The following TENM3 variants were observed in gnomAD, a reference collection of about 807,000 sequenced individuals.
The protein encoded by TENM3 is teneurin transmembrane protein 3.
A neutral mutation model predicts 255.1 loss-of-function variants in TENM3; 63 were observed. The ratio of observed to expected loss-of-function variants is 0.25; its 90% CI spans 0.20 to 0.30. The LOEUF (loss-of-function observed/expected upper bound fraction) is 0.30, where lower values mean the gene tolerates loss of function less well. TENM3 is among the 10% of genes least tolerant of loss of function. The probability of loss-of-function intolerance (pLI) is 1.00; values close to 1 mark genes in which losing one functional copy is unlikely to be tolerated. For synonymous variants in TENM3, 1,306 were observed against 1,322.3 expected (o/e 0.99, Z 0.27); for missense variants, 2,929 against 3,461.1 (o/e 0.85, Z 3.86).
the TENM3 span, among the ~76,000 whole-genome samples, chr4:182,100,749 A>C: frequency 9.0e-6 from 1 of 111,026 alleles, no homozygotes; most frequent in Non-Finnish European, 1.9e-5. Flanking sequence ...ATATATACAC[A>C]CATATATATA....
At chr4:181,977,840 G>A in the TENM3 span, among the ~76,000 whole-genome samples, 1 of 152,318 alleles carries the variant, frequency 6.6e-6, no homozygotes. Context: ...TTTAAAGTCT[G>A]TGCTGAAAGA....
At chr4:182,541,111 T>C (rs555259219) in intron 3 of TENM3, among the ~76,000 whole-genome samples, 1 of 152,324 alleles carries the variant, frequency 6.6e-6, no homozygotes, top group South Asian at 2.1e-4. Context: ...TTCAAACAGT[T>C]GGTAAATGGT....
At chr4:182,410,868 T>A (rs967840260) in intron 3 of TENM3, among the ~76,000 whole-genome samples, 1 of 152,272 alleles carries the variant, frequency 6.6e-6, no homozygotes, top group Non-Finnish European at 1.5e-5. Context: ...TTCACTCTAT[T>A]GGAACTAAAA....
intron 27 of TENM3, among the ~76,000 whole-genome samples, chr4:182,796,991 A>G (rs1188788918): frequency 1.3e-5 from 2 of 152,264 alleles, no homozygotes; most frequent in Non-Finnish European, 2.9e-5. Flanking sequence ...AAACATAGAA[A>G]TGCAGAAGCT....
At chr4:182,007,397 C>A in the TENM3 span, among the ~76,000 whole-genome samples, 1 of 152,242 alleles carries the variant, frequency 6.6e-6, no homozygotes, top group Admixed American at 6.5e-5. Flanking sequence ...TTTTATGAAT[C>A]TGGGTGCTCC....
chr4:182,642,511 G>T (rs183762149), intron 5 of TENM3, among the ~76,000 whole-genome samples: 31 of 152,240 alleles, frequency 2.0e-4, no homozygotes, highest in African/African-American at 7.5e-4. Flanking sequence ...CAAATATCCT[G>T]GCAGAAACAA....
At chr4:181,492,552 C>T in the TENM3 span, among the ~76,000 whole-genome samples, 1 of 152,196 alleles carries the variant, frequency 6.6e-6, no homozygotes, top group Non-Finnish European at 1.5e-5. Flanking sequence ...AACGGTGCTT[C>T]TTTTAAAATA....
chr4:181,813,094 A>G, the TENM3 span, among the ~76,000 whole-genome samples: 2 of 152,202 alleles, frequency 1.3e-5, no homozygotes, highest in Admixed American at 1.3e-4. Context: ...GATGCTGGCA[A>G]GTCCAAGATC....
chr4:181,610,098 T>C, the TENM3 span, among the ~76,000 whole-genome samples: 1 of 152,218 alleles, frequency 6.6e-6, no homozygotes, highest in African/African-American at 2.4e-5. Context: ...GAAGACTTTA[T>C]GTGAAGTGAA....
rs1280527334 is a variant in TENM3 at position 182,775,062 on chromosome 4, T to C, written c.5213T>C (p.Leu1738Ser). The change falls in exon 24 of 28, where the codon TTG (leucine) becomes TCG (serine). Residue 1738 changes from leucine to serine, a missense_variant. Leu to Ser is a moderately radical substitution (Grantham distance 145). Coordinates refer to ENST00000511685, the MANE Select transcript of TENM3 (RefSeq NM_001080477.4). The stretch of plus-strand genomic sequence containing the variant: ...ACGGTTGCCAAAAGAAACATGACTT[T>C]GCCTGGCGAGAACGGTCAAAACTTG... ...NPTVAKRNMTLPGENGQNLVE... is the reference protein window; with the variant it reads ...NPTVAKRNMTSPGENGQNLVE... The C allele has an allele frequency of 8.1e-6, 13 of 1,613,908 alleles. No individual in the cohort carries two copies. In the Admixed American group the frequency reaches 2.0e-4, roughly 25 times the overall value.
the TENM3 span, among the ~76,000 whole-genome samples, chr4:181,720,136 A>G: frequency 2.0e-5 from 3 of 152,232 alleles, no homozygotes; most frequent in African/African-American, 7.2e-5. Flanking sequence ...AGCAACAAAT[A>G]CTTCAAAATC....
At chr4:181,962,609 CA>C in the TENM3 span, among the ~76,000 whole-genome samples, 1 of 152,240 alleles carries the variant, frequency 6.6e-6, no homozygotes, top group Admixed American at 6.5e-5. Context: ...TATTATCTTA[CA>C]TGTGATAAAA....
chr4:182,468,824 T>TTGTGTGTGTGTGTGTGTG (rs66517986), intron 3 of TENM3, among the ~76,000 whole-genome samples: 2 of 143,778 alleles, frequency 1.4e-5, no homozygotes, highest in Non-Finnish European at 3.0e-5. Flanking sequence ...TCCTGTGTGC[T>TTGTGTGTGTGTGTGTGTG]TGTGTGTGTG....
chr4:182,641,255 C>T (rs1581187642), intron 5 of TENM3, among the ~76,000 whole-genome samples: 1 of 152,292 alleles, frequency 6.6e-6, no homozygotes, highest in Non-Finnish European at 1.5e-5. Context: ...TCAAATGTAA[C>T]GCCTTGGAGA....
In TENM3 at chr4:182,793,368, G is replaced by A; in HGVS notation, c.6696G>A (p.Leu2232=). The A allele has an allele frequency of 6.2e-7, 1 of 1,613,792 alleles. No individual in the cohort carries two copies. Among genetic ancestry groups the A allele is most frequent in the Non-Finnish European group, 8.5e-7 (1 of 1,179,764 alleles). The change falls in exon 26 of 28, where the codon CTG becomes CTA. Residue 2232 remains leucine, a synonymous_variant. Coordinates refer to ENST00000511685, the MANE Select transcript of TENM3 (RefSeq NM_001080477.4). The surrounding 1 kb of genome is among the most constrained non-coding windows in gnomAD (Gnocchi z 5.7). ...GWTVIYRYDG[L]GRRVSSKTSL... is the part of the protein sequence containing the mutation. ...CAGTGATCTACCGTTATGACGGCCT[G>A]GGAAGGCGTGTTTCTAGCAAAACCA...
At chr4:182,008,983 G>A in the TENM3 span, among the ~76,000 whole-genome samples, 1 of 151,994 alleles carries the variant, frequency 6.6e-6, no homozygotes, top group African/African-American at 2.4e-5. Flanking sequence ...TCAATAGTCA[G>A]GTCCCTCTTC....
chr4:182,035,718 C>T, the TENM3 span, among the ~76,000 whole-genome samples: 9 of 152,128 alleles, frequency 5.9e-5, no homozygotes, highest in Admixed American at 2.0e-4. Context: ...CTAAGCTTTC[C>T]GTCCTTTTTC....
At chr4:182,150,063 C>CT (rs1466077958) in intron 1 of TENM3, among the ~76,000 whole-genome samples, 1 of 151,700 alleles carries the variant, frequency 6.6e-6, no homozygotes, top group East Asian at 1.9e-4. Flanking sequence ...GTAGTTTTTA[C>CT]TTCTGTTAGA....
the TENM3 span, among the ~76,000 whole-genome samples, chr4:181,931,876 A>G: frequency 6.6e-6 from 1 of 152,198 alleles, no homozygotes; most frequent in Non-Finnish European, 1.5e-5. Context: ...ATCTACAACC[A>G]TCTGATCTTT....
Sources: gnomAD v4.1 joint callset for allele counts (sites outside exome capture counted in the v4.1 genomes callset) on GRCh38, gnomAD v4.1.1 for gene constraint, Gnocchi (gnomAD v3.1) non-coding constraint, MANE v1.5 for transcripts, NCBI Gene and HGNC (gene_info 2026-07-23, HGNC 2026-07-21) for gene names.